HSD17B4: variants seen among roughly 807,000 people sequenced by gnomAD.
HSD17B4 encodes hydroxysteroid 17-beta dehydrogenase 4.
Under a neutral mutation model 101.0 loss-of-function variants are expected in HSD17B4, and 70 were observed. The observed-to-expected ratio is 0.69, with a 90% CI of 0.57 to 0.85. HSD17B4 has a LOEUF of 0.85. HSD17B4 is among the 40% of genes least tolerant of loss of function. HSD17B4 has a pLI of 0.00. For missense variants in HSD17B4, 984 were observed against 892.4 expected, an observed-to-expected ratio of 1.10 and a Z score of -1.31; for synonymous variants, 347 against 297.1, an observed-to-expected ratio of 1.17 and a Z score of -1.73.
intron 2 of HSD17B4, among the ~76,000 whole-genome samples, chr5:119,461,291 C>A (rs146758054): frequency 7.2e-5 from 11 of 151,970 alleles, no homozygotes; most frequent in African/African-American, 2.7e-4. Context: ...AAAATGTGAA[C>A]TAAATAGGCA....
At chr5:119,462,345 A>T (rs1312599445) in intron 2 of HSD17B4, among the ~76,000 whole-genome samples, 1 of 138,876 alleles carries the variant, frequency 7.2e-6, no homozygotes. Context: ...TTTGAGGAGC[A>T]GAGTGGTACT....
intron 22 of HSD17B4, chr5:119,535,914 C>T (rs1267132947): frequency 1.2e-5 from 2 of 170,696 alleles, no homozygotes; most frequent in Non-Finnish European, 2.5e-5. Context: ...TCAGGGGTCT[C>T]CAAGTTTTCA....
intron 9 of HSD17B4, among the ~76,000 whole-genome samples, chr5:119,491,411 TGTG>T (rs1750091174): frequency 2.0e-5 from 3 of 152,020 alleles, no homozygotes. Flanking sequence ...ACACTGTAGT[TGTG>T]GTGTTTGAAG....
intron 21 of HSD17B4, 168 bp downstream of exon 21, chr5:119,530,148 C>T (rs1462746966): frequency 1.6e-6 from 1 of 622,710 alleles, no homozygotes; most frequent in Admixed American, 2.7e-5. Context: ...AAGGAATACT[C>T]TGGCAATTTA....
In HSD17B4 at chr5:119,525,257, C is replaced by G. The variant is rs751742258; in HGVS notation, c.1545C>G (p.His515Gln). ...YRLSGDWNPL[H>Q]IDPNFASLAG... Reference sequence around the variant, plus strand: ...TCAGTGGAGACTGGAATCCCTTACACATTGATCCTAACTTTGCTAGTCTAG... The same window carrying G: ...TCAGTGGAGACTGGAATCCCTTACAGATTGATCCTAACTTTGCTAGTCTAG... The change falls in exon 18 of 24, where the codon CAC becomes CAG. Residue 515 changes from histidine to glutamine, a missense_variant. Physicochemically the swap from His to Gln is conservative, Grantham distance 24. Coordinates refer to ENST00000510025, the MANE Select transcript of HSD17B4 (RefSeq NM_000414.4). The G allele has an allele frequency of 1.2e-6, 2 of 1,611,982 alleles. No individual in the cohort carries two copies. The highest frequency in any genetic ancestry group is 1.7e-6 in the Non-Finnish European group (2 of 1,178,330).
At chr5:119,499,752 A>G (rs1750990243) in intron 13 of HSD17B4, 199 bp downstream of exon 13, 1 of 364,564 alleles carries the variant, frequency 2.7e-6, no homozygotes, top group Non-Finnish European at 4.8e-6. Flanking sequence ...GCCAGCAAAA[A>G]GAAGAAAATA....
At chr5:119,507,257 C>G (rs1325108383) in intron 15 of HSD17B4, among the ~76,000 whole-genome samples, 16 of 152,124 alleles carry the variant, frequency 1.1e-4, no homozygotes, top group African/African-American at 3.4e-4. Flanking sequence ...TTTAGGTATT[C>G]TTTAATGTGT....
intron 16 of HSD17B4, chr5:119,509,489 T>C: frequency 1.5e-6 from 1 of 645,230 alleles, no homozygotes; most frequent in Non-Finnish European, 2.8e-6. Flanking sequence ...TTCCACTTAC[T>C]GAATAGTAAA....
At position 119,485,311 on chromosome 5, in the gene HSD17B4, T is replaced by C. The variant is rs74883918; in HGVS notation, c.623-3881T>C. ...TCTTTGGGAATATGGTATCATTTATTTGAACAGATCTGGACCACTAAAGGC... is the reference window on the plus strand; with the variant it reads ...TCTTTGGGAATATGGTATCATTTATCTGAACAGATCTGGACCACTAAAGGC... On this transcript the variant is annotated intron_variant, in intron 8 of 23. Transcript: ENST00000510025. Among the ~76,000 whole-genome samples, 1,104 of 152,288 alleles carry C rather than the reference T, an allele frequency of 7.2e-3. 3 individuals are homozygous for C. The highest frequency in any genetic ancestry group is 0.012 in the Non-Finnish European group (844 of 68,012).
intron 8 of HSD17B4, among the ~76,000 whole-genome samples, chr5:119,486,909 C>T (rs1749660336): frequency 6.6e-6 from 1 of 152,110 alleles, no homozygotes; most frequent in African/African-American, 2.4e-5. Flanking sequence ...AACTTTTACT[C>T]ATAGTGGCTT....
At position 119,531,319 on chromosome 5, in the gene HSD17B4, G is replaced by A. The variant is rs1430676057; in HGVS notation, c.1908G>A (p.Lys636=). 2 of 1,613,118 alleles carry A rather than the reference G, an allele frequency of 1.2e-6. No individual in the cohort carries two copies. Among genetic ancestry groups the A allele is most frequent in the Admixed American group, 1.7e-5 (1 of 59,946 alleles). The change falls in exon 22 of 24, where the codon AAG becomes AAA. Residue 636 remains lysine, a synonymous_variant. Coordinates refer to ENST00000510025, the MANE Select transcript of HSD17B4 (RefSeq NM_000414.4). ...FVFEEIGRRL[K]DIGPEVVKKV... ...TTGAGGAAATAGGACGCCGCCTAAAGGATATTGGGCCTGAGGTGGTGAAGA... is the reference window on the plus strand; with the variant it reads ...TTGAGGAAATAGGACGCCGCCTAAAAGATATTGGGCCTGAGGTGGTGAAGA...
intron 21 of HSD17B4, 196 bp downstream of exon 21, chr5:119,530,176 G>A (rs1296658485): frequency 5.2e-6 from 3 of 578,378 alleles, no homozygotes; most frequent in Non-Finnish European, 9.2e-6. Flanking sequence ...TAAAAAACTC[G>A]TTTTGCAGGA....
At position 119,452,534 on chromosome 5, in the gene HSD17B4, C is replaced by G. The variant is rs987067912; in HGVS notation, c.-42C>G. The stretch of plus-strand genomic sequence containing the variant: ...CTCCTGTCCCGCAGTCGGCGTCCAG[C>G]GGCTCTGCTTGTTCGTGTGTGTGTC... On this transcript the variant is annotated 5_prime_UTR_variant, in exon 1 of 24. Transcript: ENST00000510025. 4.3e-6 allele frequency: 7 copies of G among 1,613,588 alleles called. No homozygotes were observed. The Admixed American group carries it at 8.3e-5, about 19-fold the overall frequency.
At chr5:119,536,255 T>C (rs1262645337) in intron 22 of HSD17B4, 168 bp from the exon 23 acceptor site, 3 of 652,464 alleles carry the variant, frequency 4.6e-6, no homozygotes, top group Non-Finnish European at 7.9e-6. Flanking sequence ...TATATTTTGC[T>C]TTTTTTCTAA....
intron 16 of HSD17B4, among the ~76,000 whole-genome samples, chr5:119,513,476 C>G (rs745718738): frequency 4.8e-4 from 73 of 152,174 alleles, no homozygotes; most frequent in Middle Eastern, 3.4e-3. Flanking sequence ...CTCTGCCTCC[C>G]AGACTCAGGT....
chr5:119,496,799 G>C (rs950608926), intron 12 of HSD17B4, among the ~76,000 whole-genome samples, 153 bp downstream of exon 12: 2 of 152,142 alleles, frequency 1.3e-5, no homozygotes, highest in Non-Finnish European at 2.9e-5. Context: ...AGCAGTGGCA[G>C]AGATAATTTA....
intron 2 of HSD17B4, among the ~76,000 whole-genome samples, chr5:119,465,879 A>T (rs1755759381): frequency 6.6e-6 from 1 of 152,138 alleles, no homozygotes; most frequent in Non-Finnish European, 1.5e-5. Flanking sequence ...GAGCGGTGAA[A>T]GTGGGCATTT....
chr5:119,501,755 T>C (rs765500777), intron 13 of HSD17B4, among the ~76,000 whole-genome samples: 3 of 152,186 alleles, frequency 2.0e-5, no homozygotes, highest in Non-Finnish European at 4.4e-5. Flanking sequence ...GCCTAGTTTA[T>C]TGTCTCTTGG....
chr5:119,508,090 T>C (rs543339007), intron 15 of HSD17B4, among the ~76,000 whole-genome samples: 4 of 152,220 alleles, frequency 2.6e-5, no homozygotes, highest in African/African-American at 9.6e-5. Context: ...GTTCTTTATC[T>C]TCCTTCTCCT....
Sources: gnomAD v4.1 joint callset for allele counts (sites outside exome capture counted in the v4.1 genomes callset) on GRCh38, gnomAD v4.1.1 for gene constraint, MANE v1.5 for transcripts, NCBI Gene and HGNC (gene_info 2026-07-23, HGNC 2026-07-21) for gene names.